The following CDH4 variants were observed in gnomAD, a reference collection of about 807,000 sequenced individuals.
CDH4 encodes cadherin-4.
A neutral mutation model predicts 86.0 loss-of-function variants in CDH4; 33 were observed. That is an observed-to-expected ratio of 0.38 (90% CI 0.29 to 0.51). The LOEUF (loss-of-function observed/expected upper bound fraction) is 0.51, where lower values mean the gene tolerates loss of function less well. CDH4 is among the 20% of genes least tolerant of loss of function. The pLI is 0.86. For synonymous variants in CDH4, 555 were observed against 549.4 expected (o/e 1.01, Z -0.14); for missense variants, 1,114 against 1,307.4 (o/e 0.85, Z 2.28).
chr20:61,417,177 T>C lies in CDH4; in HGVS notation c.169+162240T>C, dbSNP rs1251926257. On this transcript the variant is annotated intron_variant, in intron 2 of 15. Transcript: ENST00000614565. This position sits in a 1 kb window ranked among gnomAD's most constrained non-coding sequence, Gnocchi z 4.0. ...CCTTCTTCTTCAGAAAAGGACTCTG[T>C]TGGGGGCATGCAGTCCTGGTCTCCA... 6.6e-6 allele frequency among the ~76,000 whole-genome samples: 1 copy of C among 152,172 alleles called. No homozygotes were observed. Among genetic ancestry groups the C allele is most frequent in the Non-Finnish European group, 1.5e-5 (1 of 68,030 alleles).
intron 9 of CDH4, among the ~76,000 whole-genome samples, chr20:61,914,929 C>G (rs1055159135): frequency 4.6e-5 from 7 of 152,132 alleles, no homozygotes; most frequent in Non-Finnish European, 8.8e-5. Context: ...GAACTAGTGC[C>G]GTCCCTATTT....
chr20:61,546,119 TGG>T (rs1215388892), intron 2 of CDH4, among the ~76,000 whole-genome samples: 1 of 34,330 alleles, frequency 2.9e-5, no homozygotes, highest in Admixed American at 3.5e-4. Flanking sequence ...TGCATGTGTG[TGG>T]GGGTATGTGG....
intron 2 of CDH4, among the ~76,000 whole-genome samples, chr20:61,634,285 C>T (rs554898781): frequency 3.3e-5 from 5 of 152,280 alleles, no homozygotes; most frequent in South Asian, 2.1e-4. Flanking sequence ...GGCTCATTTA[C>T]GCACTGAACA....
At chr20:61,818,724 C>T (rs569631617) in intron 4 of CDH4, among the ~76,000 whole-genome samples, 4 of 151,342 alleles carry the variant, frequency 2.6e-5, no homozygotes, top group South Asian at 4.2e-4. Context: ...TTGCTCTCCG[C>T]GTCTTGTATG....
chr20:61,841,510 T>A (rs73917538), intron 4 of CDH4, among the ~76,000 whole-genome samples: 5,226 of 152,266 alleles, frequency 0.034, 142 homozygotes, highest in African/African-American at 0.077. Context: ...ATAACGTTGC[T>A]GGTGGCCTTG....
intron 2 of CDH4, among the ~76,000 whole-genome samples, chr20:61,296,056 G>A (rs1038764948): frequency 6.6e-6 from 1 of 152,138 alleles, no homozygotes; most frequent in African/African-American, 2.4e-5. Context: ...GAGCCAGGAC[G>A]GTGGGGCAAG....
Position 61,742,365 on chromosome 20 carries a change from G to T in CDH4, c.170-1198G>T, listed in dbSNP as rs191655929. 2.0e-5 allele frequency among the ~76,000 whole-genome samples: 3 copies of T among 152,294 alleles called. No homozygotes were observed. In the East Asian group the frequency reaches 5.8e-4, roughly 29 times the overall value. On this transcript the variant is annotated intron_variant, in intron 2 of 15. Transcript: ENST00000614565. The stretch of plus-strand genomic sequence containing the variant: ...AACCCACAAGTAGGAGGTGCCATTG[G>T]CTGGGAAGATATCTAAAGTGAACTA...
chr20:61,802,687 GC>G (rs1979893253), intron 4 of CDH4, among the ~76,000 whole-genome samples: 2 of 152,226 alleles, frequency 1.3e-5, no homozygotes, highest in Non-Finnish European at 2.9e-5. Context: ...AAGGCAGAGC[GC>G]AGCCCTGGGA....
chr20:61,683,365 A>G (rs1263973802), intron 2 of CDH4, among the ~76,000 whole-genome samples: 1 of 152,250 alleles, frequency 6.6e-6, no homozygotes, highest in African/African-American at 2.4e-5. Flanking sequence ...TGCTTCACAA[A>G]GAAAGTCTCC....
Position 61,923,632 on chromosome 20 carries a change from G to A in CDH4, c.1556G>A (p.Gly519Asp), listed in dbSNP as rs1359575089. 7 of 1,614,112 alleles carry A rather than the reference G, an allele frequency of 4.3e-6. No individual in the cohort carries two copies. The highest frequency in any genetic ancestry group is 1.6e-4 in the Middle Eastern group (1 of 6,062). Residue 519 changes from glycine to aspartate, a missense_variant, in exon 10 of 16, where the codon GGC becomes GAC. Around this residue, in one of 3 missense-constraint regions of CDH4, gnomAD observed 705 missense variants for 914.1 expected, o/e 0.77. Coordinates refer to ENST00000614565, the MANE Select transcript of CDH4 (RefSeq NM_001794.5). ...CACAAGCTGATCCGCCTGGAGGAGG[G>A]CGTGCCCCCCGGCACCGTGCTGACC... ...SNHKLIRLEEGVPPGTVLTTF... is the reference protein window; with the variant it reads ...SNHKLIRLEEDVPPGTVLTTF...
At chr20:61,527,192 C>G (rs75513070) in intron 2 of CDH4, among the ~76,000 whole-genome samples, 13 of 152,374 alleles carry the variant, frequency 8.5e-5, no homozygotes, top group African/African-American at 2.9e-4. Context: ...CCAGGCGCCC[C>G]TGGCACCCTC....
At chr20:61,797,933 G>C (rs1012720058) in intron 4 of CDH4, among the ~76,000 whole-genome samples, 1 of 152,208 alleles carries the variant, frequency 6.6e-6, no homozygotes, top group African/African-American at 2.4e-5. Flanking sequence ...GGCAAGCTGC[G>C]GGCCTCACGG....
chr20:61,680,360 C>A (rs1285216180), intron 2 of CDH4, among the ~76,000 whole-genome samples: 1 of 152,176 alleles, frequency 6.6e-6, no homozygotes. Context: ...GCCCAAATGG[C>A]CTGATGGAGG....
At chr20:61,502,293 C>G (rs1453039522) in intron 2 of CDH4, among the ~76,000 whole-genome samples, 1 of 152,164 alleles carries the variant, frequency 6.6e-6, no homozygotes, top group Non-Finnish European at 1.5e-5. Flanking sequence ...ATCTTAGCAG[C>G]CTGGTGGTCT....
chr20:61,418,484 T>G (rs890036624), intron 2 of CDH4, among the ~76,000 whole-genome samples: 2 of 152,196 alleles, frequency 1.3e-5, no homozygotes, highest in African/African-American at 4.8e-5. Context: ...GTGCTGGGAT[T>G]ACAGGCTTGA....
intron 4 of CDH4, among the ~76,000 whole-genome samples, chr20:61,812,575 C>T (rs1377035918): frequency 6.6e-6 from 1 of 151,864 alleles, no homozygotes; most frequent in Non-Finnish European, 1.5e-5. Flanking sequence ...TCAGTCAAAC[C>T]ATCGCAAACA....
In CDH4 at chr20:61,681,448, A is replaced by C. The variant is rs115349641; in HGVS notation, c.170-62115A>C. Among the ~76,000 whole-genome samples, 1,417 of 152,304 alleles carry C rather than the reference A, an allele frequency of 9.3e-3. 26 individuals are homozygous for C. The highest frequency in any genetic ancestry group is 0.032 in the African/African-American group (1,347 of 41,562). The stretch of plus-strand genomic sequence containing the variant: ...AACTTTATAACTGTGTGCGTATTTC[A>C]AGGGATCTGTTGGCTTCTGAGCTCT... On this transcript the variant is annotated intron_variant, in intron 2 of 15. Transcript: ENST00000614565. The surrounding 1 kb of genome is among the most constrained non-coding windows in gnomAD (Gnocchi z 4.5).
intron 2 of CDH4, among the ~76,000 whole-genome samples, chr20:61,398,150 C>T (rs988646107): frequency 7.9e-5 from 12 of 152,194 alleles, no homozygotes; most frequent in African/African-American, 2.9e-4. Flanking sequence ...TCAAGCGTAT[C>T]AGTCTTGGTT....
rs2055212471 is a variant in CDH4, at chr20:61,937,701, C to G, written c.*758C>G. 1 of 152,336 alleles carries G rather than the reference C, an allele frequency of 6.6e-6. No individual in the cohort carries two copies. The highest frequency in any genetic ancestry group is 1.5e-5 in the Non-Finnish European group (1 of 68,148). 9.4% of individuals were successfully genotyped at this position (152,336 alleles called of 1,614,324 possible). A position where few individuals can be genotyped will look rare whatever the true frequency, so the allele number is the denominator to read the frequency against. On this transcript the variant is annotated 3_prime_UTR_variant, in exon 16 of 16. Coordinates refer to ENST00000614565, the MANE Select transcript of CDH4 (RefSeq NM_001794.5). ...GGCCTGGAGGGGAACAGGGGTCATC[C>G]TGAAGGGGCTCCACCCCCAGTCAAC...
Sources: allele counts gnomAD v4.1 joint callset (sites outside exome capture counted in the v4.1 genomes callset), GRCh38; gene constraint gnomAD v4.1.1; regional missense constraint gnomAD v4.1.1; non-coding constraint Gnocchi (gnomAD v3.1); transcripts MANE v1.5; gene names NCBI Gene and HGNC (gene_info 2026-07-23, HGNC 2026-07-21).